SLC14A2: variants seen among roughly 807,000 people sequenced by gnomAD.
The protein encoded by SLC14A2 is urea transporter 2.
In SLC14A2, 91 loss-of-function variants were observed where a neutral mutation model predicts 104.6. The observed-to-expected ratio is 0.87, with a 90% CI of 0.73 to 1.04. SLC14A2 has a LOEUF of 1.04. Among genes scored for constraint, SLC14A2 ranks in the 50% least tolerant of loss-of-function variants. SLC14A2 has a pLI of 0.00. For synonymous variants in SLC14A2, 476 were observed against 466.4 expected (o/e 1.02, Z -0.27); for missense variants, 1,189 against 1,156.0 (o/e 1.03, Z -0.41).
chr18:45,453,196 A>G (rs1162906998), intron 1 of SLC14A2, among the ~76,000 whole-genome samples: 1 of 152,082 alleles, frequency 6.6e-6, no homozygotes, highest in African/African-American at 2.4e-5. Flanking sequence ...CTCAAATTCC[A>G]AGGTCCCACT....
intron 1 of SLC14A2, among the ~76,000 whole-genome samples, chr18:45,466,028 A>G (rs1472578228): frequency 1.3e-5 from 2 of 152,144 alleles, no homozygotes; most frequent in African/African-American, 4.8e-5. Context: ...TATAGATTTT[A>G]TCAGCCATGC....
intron 4 of SLC14A2, among the ~76,000 whole-genome samples, chr18:45,631,426 G>C (rs183307593): frequency 3.9e-5 from 6 of 152,334 alleles, no homozygotes; most frequent in African/African-American, 9.6e-5. Context: ...TGTTTATTAC[G>C]ATCAGGAGGA....
chr18:45,180,357 T>G, the SLC14A2 span, among the ~76,000 whole-genome samples: 1 of 152,176 alleles, frequency 6.6e-6, no homozygotes, highest in African/African-American at 2.4e-5. Context: ...ATTATTCTAA[T>G]GTACTTAAAA....
intron 1 of SLC14A2, among the ~76,000 whole-genome samples, chr18:45,417,980 G>A (rs1368329159): frequency 2.6e-5 from 4 of 152,154 alleles, no homozygotes; most frequent in Non-Finnish European, 5.9e-5. Flanking sequence ...GATTGGATGT[G>A]AAGATGAAAA....
At chr18:45,541,492 A>T (rs2043882799) in intron 2 of SLC14A2, among the ~76,000 whole-genome samples, 1 of 152,230 alleles carries the variant, frequency 6.6e-6, no homozygotes, top group South Asian at 2.1e-4. Flanking sequence ...CATGGGCCAG[A>T]CCTGTGTCTG....
intron 1 of SLC14A2, among the ~76,000 whole-genome samples, chr18:45,263,072 G>C (rs1028097259): frequency 3.3e-5 from 5 of 152,152 alleles, no homozygotes; most frequent in African/African-American, 1.2e-4. Context: ...TCCAGTGTTT[G>C]TTTTCTGTTT....
chr18:45,362,885 G>T lies in SLC14A2; in HGVS notation c.-124-120348G>T, dbSNP rs1361912919. Among the ~76,000 whole-genome samples, 3 of 147,930 alleles carry T rather than the reference G, an allele frequency of 2.0e-5. No homozygotes were observed. In the East Asian group the frequency reaches 5.8e-4, roughly 29 times the overall value. ...ATCTTTCCCAATTTACCTGTCTCTGGTGTGTGCTGGATGGAGCTGCTCCCC... is the reference window on the plus strand; with the variant it reads ...ATCTTTCCCAATTTACCTGTCTCTGTTGTGTGCTGGATGGAGCTGCTCCCC... On this transcript the variant is annotated intron_variant, in intron 1 of 20. Coordinates refer to the SLC14A2 transcript ENST00000586448.
At chr18:45,207,677 G>T in the SLC14A2 span, among the ~76,000 whole-genome samples, 2 of 152,102 alleles carry the variant, frequency 1.3e-5, no homozygotes, top group African/African-American at 2.4e-5. Flanking sequence ...TGACTCTGCC[G>T]AATGTAATGT....
intron 1 of SLC14A2, among the ~76,000 whole-genome samples, chr18:45,426,696 C>CAT (rs1428094290): frequency 1.2e-5 from 1 of 81,042 alleles, no homozygotes; most frequent in Non-Finnish European, 2.9e-5. Context: ...TATATACATA[C>CAT]ATACACACAC....
intron 1 of SLC14A2, among the ~76,000 whole-genome samples, chr18:45,390,304 G>T (rs887748423): frequency 1.3e-5 from 2 of 152,102 alleles, no homozygotes; most frequent in African/African-American, 4.8e-5. Flanking sequence ...GAAGCAACCA[G>T]TGAACAATCT....
intron 1 of SLC14A2, among the ~76,000 whole-genome samples, chr18:45,622,201 C>A (rs1314505788): frequency 6.6e-6 from 1 of 152,168 alleles, no homozygotes; most frequent in African/African-American, 2.4e-5. Context: ...AAATGAAAGT[C>A]ATTGAAGATG....
At chr18:45,379,306 G>A (rs1002701393) in intron 1 of SLC14A2, among the ~76,000 whole-genome samples, 2 of 152,178 alleles carry the variant, frequency 1.3e-5, no homozygotes, top group African/African-American at 4.8e-5. Flanking sequence ...GCCAAAAGCT[G>A]GCTTCTTATA....
At chr18:45,458,536 T>C (rs1459187528) in intron 1 of SLC14A2, among the ~76,000 whole-genome samples, 2 of 152,218 alleles carry the variant, frequency 1.3e-5, no homozygotes, top group Non-Finnish European at 1.5e-5. Context: ...GTTTTCTCTC[T>C]GTGACATCAT....
At chr18:45,502,276 G>A (rs185691844) in intron 2 of SLC14A2, among the ~76,000 whole-genome samples, 3 of 152,318 alleles carry the variant, frequency 2.0e-5, no homozygotes, top group African/African-American at 2.4e-5. Flanking sequence ...AGAAACTCTC[G>A]ATAGTCTATT....
chr18:45,393,609 G>A (rs982861386), intron 1 of SLC14A2, among the ~76,000 whole-genome samples: 2 of 152,190 alleles, frequency 1.3e-5, no homozygotes, highest in Admixed American at 6.5e-5. Context: ...GGAGGGAGCT[G>A]GAAGCTCTTG....
intron 1 of SLC14A2, among the ~76,000 whole-genome samples, chr18:45,250,627 A>T (rs1023180053): frequency 4.6e-5 from 7 of 152,148 alleles, no homozygotes; most frequent in African/African-American, 1.7e-4. Flanking sequence ...GTAGTATTAG[A>T]TCAGGATTTT....
At chr18:45,679,738 A>G (rs945770727) in intron 19 of SLC14A2, among the ~76,000 whole-genome samples, 2 of 152,252 alleles carry the variant, frequency 1.3e-5, no homozygotes, top group Admixed American at 6.5e-5. Context: ...CACCTTTAGT[A>G]AAAATGGGTG....
intron 1 of SLC14A2, among the ~76,000 whole-genome samples, chr18:45,623,774 G>A (rs2045215289): frequency 6.6e-6 from 1 of 152,164 alleles, no homozygotes; most frequent in African/African-American, 2.4e-5. Context: ...ATGCAGCATG[G>A]AGCACGGAGC....
At chr18:45,182,960 A>G in the SLC14A2 span, among the ~76,000 whole-genome samples, 2 of 152,218 alleles carry the variant, frequency 1.3e-5, no homozygotes, top group Non-Finnish European at 2.9e-5. Flanking sequence ...ATGAGGGAAT[A>G]ATTAAAACAG....
Sources: gnomAD v4.1 joint callset for allele counts (sites outside exome capture counted in the v4.1 genomes callset) on GRCh38, gnomAD v4.1.1 for gene constraint, MANE v1.5 for transcripts, NCBI Gene and HGNC (gene_info 2026-07-23, HGNC 2026-07-21) for gene names.